Variants in CYP2F1 observed in about 807,000 individuals in gnomAD.
The protein encoded by CYP2F1 is cytochrome P450 family 2 subfamily F member 1, also known as cytochrome P450 2F1.
In CYP2F1, 33 loss-of-function variants were observed where a neutral mutation model predicts 40.4. That is an observed-to-expected ratio of 0.82 (90% CI 0.62 to 1.09). CYP2F1 has a LOEUF of 1.09. CYP2F1 is among the 50% of genes least tolerant of loss of function. CYP2F1 has a pLI of 0.00. For missense variants in CYP2F1, 566 were observed against 655.7 expected (o/e 0.86, Z 1.49); for synonymous variants, 235 against 277.2 (o/e 0.85, Z 1.51).
chr19:41,117,978 T>G (rs956044151), intron 3 of CYP2F1, among the ~76,000 whole-genome samples: 1 of 152,024 alleles, frequency 6.6e-6, no homozygotes, highest in African/African-American at 2.4e-5. Flanking sequence ...GCCTCCTGAG[T>G]AGCTGGGACT....
chr19:41,124,018 C>T (rs1325153238), intron 7 of CYP2F1, among the ~76,000 whole-genome samples: 2 of 151,976 alleles, frequency 1.3e-5, no homozygotes, highest in African/African-American at 4.8e-5. Context: ...GTATCCCCTG[C>T]TCTGCCCCTG....
In CYP2F1 at chr19:41,124,755, G is replaced by A; in HGVS notation, c.1001G>A (p.Arg334His). Residue 334 changes from arginine (R) to histidine (H), a missense_variant, in exon 8 of 10, where the codon CGC becomes CAC. By Grantham distance (29) the Arg-to-His change is conservative. This residue lies in a region of CYP2F1 where 128 missense variants were observed against 121.0 expected (regional missense o/e 1.06). Transcript: ENST00000331105. ...GAGGAGATCGACCTCGTGGTGGGAC[G>A]CGCGCGGCTGCCGGCGCTGAAGGAC... ...VQEEIDLVVG[R>H]ARLPALKDRA... 6.2e-7 allele frequency: 1 copy of A among 1,605,888 alleles called. No homozygotes were observed. Among genetic ancestry groups the A allele is most frequent in the Non-Finnish European group, 8.5e-7 (1 of 1,179,330 alleles).
chr19:41,115,545 AG>A (rs56332769), intron 1 of CYP2F1, among the ~76,000 whole-genome samples: 3 of 151,926 alleles, frequency 2.0e-5, no homozygotes, highest in Admixed American at 2.0e-4. Context: ...GATGATAGAT[AG>A]ATAATAGACA....
intron 1 of CYP2F1, among the ~76,000 whole-genome samples, chr19:41,114,788 C>CTCTTTTTTT: frequency 1.0e-5 from 1 of 100,000 alleles, no homozygotes; most frequent in East Asian, 2.7e-4. Flanking sequence ...CTCTCTCTCT[C>CTCTTTTTTT]TTTTTTTTTT....
chr19:41,116,649 G>C (rs1176106454), intron 3 of CYP2F1, 32 bp downstream of exon 3: 12 of 1,608,496 alleles, frequency 7.5e-6, no homozygotes, highest in Non-Finnish European at 1.0e-5. Context: ...TCCGCTCTCG[G>C]CCTTTTCCAT....
intron 3 of CYP2F1, 46 bp downstream of exon 3, chr19:41,116,663 G>A (rs1361425941): frequency 6.3e-7 from 1 of 1,597,060 alleles, no homozygotes; most frequent in Non-Finnish European, 8.5e-7. Flanking sequence ...TTTCCATATT[G>A]AGGGAGGGGG....
rs779032097 is a variant in CYP2F1 at position 41,116,449 on chromosome 19, C to T, written c.172-6C>T. 2 of 1,609,474 alleles carry T rather than the reference C, an allele frequency of 1.2e-6. No homozygotes were observed. The highest frequency in any genetic ancestry group is 3.4e-5 in the Admixed American group (2 of 59,244). On this transcript the variant is annotated splice_polypyrimidine_tract_variant and splice_region_variant and intron_variant, in intron 2 of 9. Transcript: ENST00000331105. ...CCCCCTGTAACTTCTGTCTTCCTAC[C>T]CTCAGCTGAGCAAGGAGTATGGCTC...
chr19:41,124,558 CG>C (rs1164555132), intron 7 of CYP2F1, among the ~76,000 whole-genome samples, 160 bp from the exon 8 acceptor site: 1 of 152,164 alleles, frequency 6.6e-6, no homozygotes, highest in Non-Finnish European at 1.5e-5. Context: ...CCACCGCGCC[CG>C]GCCAGCTCTA....
chr19:41,116,128 A>T, intron 1 of CYP2F1, 50 bp from the exon 2 acceptor site: 1 of 1,414,646 alleles, frequency 7.1e-7, no homozygotes, highest in South Asian at 1.4e-5. Flanking sequence ...GGAGATGGAA[A>T]GGAGGGATCA....
In CYP2F1 at chr19:41,125,290, G is replaced by C. The variant is rs548799136; in HGVS notation, c.1153-203G>C. The stretch of plus-strand genomic sequence containing the variant: ...GGGGGTTTCCCACATCCCTGCCAAA[G>C]TCCCCAATAATACAGCATATAGCAC... On this transcript the variant is annotated intron_variant, in intron 8 of 9. Transcript: ENST00000331105. 5.5e-5 allele frequency: 33 copies of C among 602,758 alleles called. No homozygotes were observed. The South Asian group carries it at 7.5e-4, about 14-fold the overall frequency. 37.3% of individuals were successfully genotyped at this position (602,758 alleles called of 1,614,324 possible).
intron 7 of CYP2F1, among the ~76,000 whole-genome samples, chr19:41,123,829 C>A (rs543859199): frequency 6.6e-6 from 1 of 152,106 alleles, no homozygotes; most frequent in Non-Finnish European, 1.5e-5. Flanking sequence ...TGCCTCCACC[C>A]GCTTAGTCTT....
At chr19:41,114,792 T>C (rs1006741543) in intron 1 of CYP2F1, among the ~76,000 whole-genome samples, 3 of 139,058 alleles carry the variant, frequency 2.2e-5, no homozygotes, top group African/African-American at 5.4e-5. Context: ...CTCTCTCTTT[T>C]TTTTTTTTTT....
chr19:41,122,497 C>CAT (rs2032277112), intron 6 of CYP2F1, among the ~76,000 whole-genome samples: 1 of 151,978 alleles, frequency 6.6e-6, no homozygotes, highest in African/African-American at 2.4e-5. Context: ...TACATACACA[C>CAT]ACACATACAT....
chr19:41,116,279 C>G lies in CYP2F1; in HGVS notation c.91C>G (p.Pro31Ala). The G allele has an allele frequency of 6.2e-7, 1 of 1,614,120 alleles. No homozygotes were observed. The change falls in exon 2 of 10, where the codon CCT becomes GCT. Residue 31 changes from proline to alanine, a missense_variant. Physicochemically the swap from Pro to Ala is conservative, Grantham distance 27. Coordinates refer to ENST00000331105, the MANE Select transcript of CYP2F1 (RefSeq NM_000774.5). ...AAGCTCAAGAGATAAGGGAAAGCTG[C>G]CTCCGGGACCCAGACCCCTCTCAAT... Reference protein sequence around the residue: ...TLSSRDKGKLPPGPRPLSILG... With the variant: ...TLSSRDKGKLAPGPRPLSILG...
At chr19:41,116,645 C>T in intron 3 of CYP2F1, 28 bp downstream of exon 3, 1 of 1,610,046 alleles carries the variant, frequency 6.2e-7, no homozygotes, top group Non-Finnish European at 8.5e-7. Context: ...CTCCTCCGCT[C>T]TCGGCCTTTT....
chr19:41,125,369 T>A (rs1485474974), intron 8 of CYP2F1, 124 bp from the exon 9 acceptor site: 10 of 608,052 alleles, frequency 1.6e-5, no homozygotes, highest in Non-Finnish European at 2.7e-5. Flanking sequence ...CCCGATTGAG[T>A]CCTATACCCA....
Position 41,124,819 on chromosome 19 carries a change from G to C in CYP2F1, c.1065G>C (p.Glu355Asp), listed in dbSNP as rs777718696. The change falls in exon 8 of 10, where the codon GAG becomes GAC. Residue 355 changes from glutamate (E) to aspartate (D), a missense_variant. Physicochemically the swap from Glu to Asp is conservative, Grantham distance 45. This residue lies in a region of CYP2F1 where 128 missense variants were observed against 121.0 expected (regional missense o/e 1.06). Transcript: ENST00000331105. ...CTTACACAGACGCGGTGATCCACGA[G>C]GTGCAGCGCTTTGCAGACATCATCC... ...AMPYTDAVIH[E>D]VQRFADIIPM... 1.4e-5 allele frequency: 23 copies of C among 1,611,670 alleles called. No individual in the cohort carries two copies. The South Asian group carries it at 2.4e-4, about 17-fold the overall frequency.
chr19:41,127,470 G>A (rs2032587971), intron 9 of CYP2F1, among the ~76,000 whole-genome samples: 1 of 152,014 alleles, frequency 6.6e-6, no homozygotes, highest in Non-Finnish European at 1.5e-5. Flanking sequence ...CAAGCAGCTG[G>A]GACTGCAGGC....
chr19:41,116,291 A>C lies in CYP2F1; in HGVS notation c.103A>C (p.Arg35=). The stretch of plus-strand genomic sequence containing the variant: ...TAAGGGAAAGCTGCCTCCGGGACCC[A>C]GACCCCTCTCAATCCTGGGAAACCT... ...RDKGKLPPGP[R]PLSILGNLLL... The change falls in exon 2 of 10, where the codon AGA becomes CGA. Residue 35 remains arginine (R), a synonymous_variant. Coordinates refer to ENST00000331105, the MANE Select transcript of CYP2F1 (RefSeq NM_000774.5). 1.9e-6 allele frequency: 3 copies of C among 1,614,134 alleles called. No homozygotes were observed. Among genetic ancestry groups the C allele is most frequent in the Non-Finnish European group, 2.5e-6 (3 of 1,180,016 alleles).
Sources: gnomAD v4.1 joint callset for allele counts (sites outside exome capture counted in the v4.1 genomes callset) on GRCh38, gnomAD v4.1.1 for gene constraint, gnomAD v4.1.1 regional missense constraint, MANE v1.5 for transcripts, NCBI Gene and HGNC (gene_info 2026-07-23, HGNC 2026-07-21) for gene names.